The following KAT6B variants were observed in gnomAD, a reference collection of about 807,000 sequenced individuals.
KAT6B encodes lysine acetyltransferase 6B.
A neutral mutation model predicts 187.5 loss-of-function variants in KAT6B; 10 were observed. That is an observed-to-expected ratio of 0.05 (90% CI 0.03 to 0.09). KAT6B has a LOEUF of 0.09. KAT6B is among the 10% of genes least tolerant of loss of function. The pLI is 1.00. For synonymous variants in KAT6B, 861 were observed against 926.8 expected (o/e 0.93, Z 1.29); for missense variants, 1,952 against 2,558.9 (o/e 0.76, Z 5.12).
intron 13 of KAT6B, among the ~76,000 whole-genome samples, chr10:75,009,096 C>T (rs1000645942): frequency 6.6e-6 from 1 of 152,150 alleles, no homozygotes; most frequent in African/African-American, 2.4e-5. Flanking sequence ...GTATATACCC[C>T]CATGAGTATG....
chr10:74,888,217 A>AG (rs1343634646), intron 3 of KAT6B, among the ~76,000 whole-genome samples: 6 of 152,232 alleles, frequency 3.9e-5, no homozygotes, highest in Admixed American at 3.9e-4. Flanking sequence ...CGTACATGTA[A>AG]GTAATCTTGG....
At chr10:74,838,154 T>G (rs1841455071) in intron 1 of KAT6B, among the ~76,000 whole-genome samples, 1 of 152,198 alleles carries the variant, frequency 6.6e-6, no homozygotes, top group Admixed American at 6.5e-5. Flanking sequence ...ATATTTACTA[T>G]TATGTAAACT....
intron 3 of KAT6B, among the ~76,000 whole-genome samples, chr10:74,855,843 A>T (rs1842781710): frequency 1.3e-5 from 2 of 152,102 alleles, no homozygotes; most frequent in Admixed American, 1.3e-4. Flanking sequence ...CTCTTCCTAT[A>T]TGTGTGTATA....
chr10:75,008,667 A>G (rs1244912392), intron 13 of KAT6B, among the ~76,000 whole-genome samples: 1 of 152,214 alleles, frequency 6.6e-6, no homozygotes, highest in African/African-American at 2.4e-5. Context: ...CATCCAGTTA[A>G]AAACTTGTAG....
chr10:75,023,366 G>A (rs981960864), intron 16 of KAT6B: 1 of 152,252 alleles, frequency 6.6e-6, no homozygotes, highest in African/African-American at 2.4e-5. Context: ...TCTCCATGGG[G>A]AGGTGGTAGA....
rs1842225472 is a variant in KAT6B at position 74,977,331 on chromosome 10, T to C, written c.2009T>C (p.Ile670Thr). Residue 670 changes from isoleucine (I) to threonine (T), a missense_variant, in exon 9 of 18, where the codon ATA (isoleucine) becomes ACA (threonine). Ile to Thr is a moderately conservative substitution (Grantham distance 89, BLOSUM62 -1). This residue lies in a region of KAT6B where 417 missense variants were observed against 508.9 expected (regional missense o/e 0.82). Transcript: ENST00000287239. ...TAAATGACAGATACTGAAATAAAAA[T>C]AAACATCAAACAAGAAAGTGCAGAT... ...PDQDDDTEIK[I>T]NIKQESADVN... The C allele has an allele frequency of 6.2e-7, 1 of 1,613,512 alleles. No homozygotes were observed. The highest frequency in any genetic ancestry group is 1.1e-5 in the South Asian group (1 of 91,034).
At chr10:74,980,029 C>T (rs555536784) in intron 10 of KAT6B, among the ~76,000 whole-genome samples, 3 of 152,244 alleles carry the variant, frequency 2.0e-5, no homozygotes, top group African/African-American at 7.2e-5. Context: ...CGTGATAGGA[C>T]ATGCCTGTAA....
At chr10:75,017,261 G>C (rs201098367) in intron 13 of KAT6B, among the ~76,000 whole-genome samples, 5 of 80 alleles carry the variant, frequency 0.062, no homozygotes, top group Non-Finnish European at 0.095. Context: ...TCTCTATGAT[G>C]TACTCAATAA....
Position 74,989,025 on chromosome 10 carries a change from C to T in KAT6B, c.2542C>T (p.Leu848Phe). 6.2e-7 allele frequency: 1 copy of T among 1,612,540 alleles called. No homozygotes were observed. The highest frequency in any genetic ancestry group is 8.5e-7 in the Non-Finnish European group (1 of 1,178,532). The change falls in exon 13 of 18, where the codon CTT becomes TTT. Residue 848 changes from leucine (L) to phenylalanine (F), a missense_variant. By Grantham distance (22) the Leu-to-Phe change is conservative. Transcript: ENST00000287239. Reference sequence around the variant, plus strand: ...CTGTTTCTCCTTCCCTCAGGAAAAGCTTTGCCAGCAGAAGTATAATGTCTC... The same window carrying T: ...CTGTTTCTCCTTCCCTCAGGAAAAGTTTTGCCAGCAGAAGTATAATGTCTC... ...HLVGYFSKEK[L>F]CQQKYNVSCI...
intron 13 of KAT6B, among the ~76,000 whole-genome samples, chr10:75,011,708 C>CAAT (rs1482010453): frequency 6.6e-6 from 1 of 152,112 alleles, no homozygotes; most frequent in Non-Finnish European, 1.5e-5. Flanking sequence ...AGTCAGTCAC[C>CAAT]TTATTAAAAA....
At chr10:74,890,081 C>G (rs994957686) in intron 3 of KAT6B, among the ~76,000 whole-genome samples, 3 of 151,716 alleles carry the variant, frequency 2.0e-5, no homozygotes, top group Non-Finnish European at 2.9e-5. Flanking sequence ...CTCTGTCACC[C>G]AGGCTGGAGT....
chr10:74,873,227 G>A (rs1455156492), intron 3 of KAT6B, among the ~76,000 whole-genome samples: 2 of 151,804 alleles, frequency 1.3e-5, no homozygotes, highest in African/African-American at 2.4e-5. Flanking sequence ...TTGGGAGGCT[G>A]AGGTGGAAGT....
chr10:75,005,439 A>C, intron 13 of KAT6B, among the ~76,000 whole-genome samples: 1 of 151,862 alleles, frequency 6.6e-6, no homozygotes, highest in East Asian at 1.9e-4. Flanking sequence ...GCTGGTCTCA[A>C]ACTCCTGAAT....
intron 3 of KAT6B, among the ~76,000 whole-genome samples, chr10:74,915,880 A>C (rs1412698440): frequency 1.3e-5 from 2 of 152,126 alleles, no homozygotes; most frequent in Non-Finnish European, 2.9e-5. Flanking sequence ...AAAATCTATA[A>C]TTTTGGCTGG....
intron 13 of KAT6B, among the ~76,000 whole-genome samples, chr10:75,011,769 C>T (rs1428315676): frequency 6.6e-6 from 1 of 152,138 alleles, no homozygotes; most frequent in Non-Finnish European, 1.5e-5. Flanking sequence ...TGGTGACACA[C>T]CATACACTCA....
chr10:74,967,897 C>G (rs966826405), intron 4 of KAT6B, among the ~76,000 whole-genome samples: 4 of 152,052 alleles, frequency 2.6e-5, no homozygotes, highest in Admixed American at 2.0e-4. Context: ...AGTACAAAAG[C>G]AGATTTGAAT....
intron 6 of KAT6B, among the ~76,000 whole-genome samples, chr10:74,972,226 G>A (rs997049408): frequency 2.6e-5 from 4 of 151,996 alleles, no homozygotes; most frequent in Non-Finnish European, 5.9e-5. Flanking sequence ...GAGTTTTCAT[G>A]TGTGTTTATG....
At chr10:74,856,005 C>T (rs903651096) in intron 3 of KAT6B, among the ~76,000 whole-genome samples, 2 of 152,112 alleles carry the variant, frequency 1.3e-5, no homozygotes, top group Non-Finnish European at 2.9e-5. Flanking sequence ...ATATACTATA[C>T]TATTACGCAA....
intron 3 of KAT6B, among the ~76,000 whole-genome samples, chr10:74,894,731 T>C (rs1845868786): frequency 6.6e-6 from 1 of 152,246 alleles, no homozygotes; most frequent in Non-Finnish European, 1.5e-5. Flanking sequence ...ATCCATGTTG[T>C]AGCATGTGAC....
Sources: gnomAD v4.1 joint callset for allele counts (sites outside exome capture counted in the v4.1 genomes callset) on GRCh38, gnomAD v4.1.1 for gene constraint, gnomAD v4.1.1 regional missense constraint, MANE v1.5 for transcripts, NCBI Gene and HGNC (gene_info 2026-07-23, HGNC 2026-07-21) for gene names.